The following ENKUR variants were observed in gnomAD, a reference collection of about 807,000 sequenced individuals.
ENKUR encodes the protein enkurin.
ENKUR carries 19 observed loss-of-function variants against 27.6 expected under a neutral mutation model. The observed-to-expected ratio is 0.69, with a 90% CI of 0.48 to 1.01. The LOEUF is 1.01. Among genes scored for constraint, ENKUR ranks in the 50% least tolerant of loss-of-function variants. The pLI is 0.00. For missense variants in ENKUR, 312 were observed against 310.5 expected (o/e 1.00, Z -0.04); for synonymous variants, 117 against 96.9 (o/e 1.21, Z -1.22).
chr10:25,027,357 CAAAAAAAAAAAAAAA>C (rs71399946), intron 2 of ENKUR, among the ~76,000 whole-genome samples: 4 of 48,472 alleles, frequency 8.3e-5, no homozygotes, highest in Non-Finnish European at 1.4e-4. Flanking sequence ...ACTCCCGTCT[CAAAAAAAAAAAAAAA>C]AAAAAAAAAA....
chr10:25,059,649 C>T (rs775281933), intron 2 of ENKUR, among the ~76,000 whole-genome samples: 10 of 152,142 alleles, frequency 6.6e-5, no homozygotes, highest in Non-Finnish European at 1.3e-4. Context: ...CTAACAAGCA[C>T]TTGTTGCATG....
intron 2 of ENKUR, among the ~76,000 whole-genome samples, chr10:25,051,653 A>AT (rs1851187176): frequency 6.6e-6 from 1 of 152,092 alleles, no homozygotes; most frequent in Non-Finnish European, 1.5e-5. Flanking sequence ...TGAGCAATCC[A>AT]CCCCCATGAC....
chr10:25,023,072 C>G (rs1316610904), intron 2 of ENKUR: 2 of 721,706 alleles, frequency 2.8e-6, no homozygotes, highest in Non-Finnish European at 4.4e-6. Context: ...GTTTATGTAC[C>G]ATGGGCATGG....
chr10:25,040,318 G>A (rs1172977881), intron 2 of ENKUR, among the ~76,000 whole-genome samples: 1 of 151,672 alleles, frequency 6.6e-6, no homozygotes, highest in Non-Finnish European at 1.5e-5. Flanking sequence ...GACTAGGGAG[G>A]TATGATTCAT....
upstream of ENKUR, among the ~76,000 whole-genome samples, chr10:25,018,659 GT>G (rs374289213): frequency 0.012 from 1,090 of 93,732 alleles, 32 homozygotes; most frequent in African/African-American, 0.025. Flanking sequence ...AATGAGAGTT[GT>G]TTTTTTTTTT....
chr10:25,015,244 C>T (rs1012685517), intron 1 of ENKUR, among the ~76,000 whole-genome samples: 8 of 152,208 alleles, frequency 5.3e-5, no homozygotes, highest in African/African-American at 1.9e-4. Flanking sequence ...AAAATTTCAA[C>T]TCAATTACAT....
chr10:25,039,159 A>AT (rs571530472), intron 2 of ENKUR, among the ~76,000 whole-genome samples: 1 of 152,050 alleles, frequency 6.6e-6, no homozygotes, highest in African/African-American at 2.4e-5. Context: ...AGCTTTAAAC[A>AT]TTTTTTTTCT....
rs1183419221 is a variant in ENKUR at position 24,990,003 on chromosome 10, T to C, written c.594+460A>G. Among the ~76,000 whole-genome samples the C allele has an allele frequency of 2.6e-5, 4 of 152,158 alleles. No individual in the cohort carries two copies. The East Asian group carries it at 7.7e-4, about 29-fold the overall frequency. On this transcript the variant is annotated intron_variant, in intron 4 of 5. Coordinates refer to ENST00000331161, the MANE Select transcript of ENKUR (RefSeq NM_145010.4). ...AAACATATGTGAAACCTAGCACCTG[T>C]TTATTTAAAATTTTGGACATTTGCC... is the stretch of plus-strand genomic sequence containing the variant.
intron 1 of ENKUR, among the ~76,000 whole-genome samples, chr10:25,009,014 C>A (rs1375032577): frequency 6.6e-6 from 1 of 152,102 alleles, no homozygotes; most frequent in Non-Finnish European, 1.5e-5. Flanking sequence ...GGACAAAAAA[C>A]CAAACACCGC....
intron 2 of ENKUR, among the ~76,000 whole-genome samples, chr10:25,047,490 T>C (rs59189661): frequency 0.031 from 4,752 of 152,330 alleles, 168 homozygotes; most frequent in African/African-American, 0.087. Flanking sequence ...CTGGCTTTGC[T>C]CAATTTCCTC....
intron 2 of ENKUR, among the ~76,000 whole-genome samples, chr10:24,996,546 ATTCCC>A: frequency 6.6e-6 from 1 of 152,078 alleles, no homozygotes; most frequent in Non-Finnish European, 1.5e-5. Context: ...CAGTTTGATC[ATTCCC>A]ATTGATCTAT....
chr10:25,047,621 A>G (rs1191066459), intron 2 of ENKUR, among the ~76,000 whole-genome samples: 1 of 152,214 alleles, frequency 6.6e-6, no homozygotes, highest in Admixed American at 6.5e-5. Flanking sequence ...AGTTTTATGA[A>G]TAAGGTAGAC....
chr10:25,017,798 T>G (rs1392682804), upstream of ENKUR, among the ~76,000 whole-genome samples: 1 of 152,150 alleles, frequency 6.6e-6, no homozygotes, highest in East Asian at 1.9e-4. Context: ...TTTTCGCCCT[T>G]GAGTATTTTA....
intron 1 of ENKUR, among the ~76,000 whole-genome samples, chr10:25,012,499 A>G (rs1450170276): frequency 6.6e-6 from 1 of 152,252 alleles, no homozygotes; most frequent in African/African-American, 2.4e-5. Flanking sequence ...CCAAGACCAT[A>G]GGATCCCACC....
chr10:25,050,471 A>G (rs1463633207), intron 2 of ENKUR, among the ~76,000 whole-genome samples: 1 of 152,092 alleles, frequency 6.6e-6, no homozygotes, highest in Non-Finnish European at 1.5e-5. Flanking sequence ...TGTGCAGGGG[A>G]ACTGCCCTTT....
chr10:25,055,345 G>T (rs1479067447), intron 2 of ENKUR, among the ~76,000 whole-genome samples: 6 of 151,642 alleles, frequency 4.0e-5, no homozygotes, highest in Non-Finnish European at 7.4e-5. Flanking sequence ...AAAAAAAAAG[G>T]TCCTAGTTTT....
upstream of ENKUR, among the ~76,000 whole-genome samples, chr10:25,016,490 G>A (rs1318636270): frequency 6.6e-6 from 1 of 152,194 alleles, no homozygotes; most frequent in Non-Finnish European, 1.5e-5. Flanking sequence ...CCACGAGGAC[G>A]CAAGGCCAGC....
chr10:25,021,856 G>T (rs1212402403), intron 2 of ENKUR: 1 of 152,078 alleles, frequency 6.6e-6, no homozygotes, highest in East Asian at 1.9e-4. Flanking sequence ...CATATAAATT[G>T]AAAAGTCAAA....
At chr10:25,039,462 C>T (rs551689198) in intron 2 of ENKUR, among the ~76,000 whole-genome samples, 1 of 152,182 alleles carries the variant, frequency 6.6e-6, no homozygotes, top group South Asian at 2.1e-4. Context: ...TGCCTGTACT[C>T]CTAGCTACTC....
Sources: gnomAD v4.1 joint callset for allele counts (sites outside exome capture counted in the v4.1 genomes callset) on GRCh38, gnomAD v4.1.1 for gene constraint, MANE v1.5 for transcripts, NCBI Gene and HGNC (gene_info 2026-07-23, HGNC 2026-07-21) for gene names.